Variants in SCN8A observed in about 807,000 individuals in gnomAD.
The protein encoded by SCN8A is sodium channel protein type 8 subunit alpha.
A neutral mutation model predicts 184.1 loss-of-function variants in SCN8A; 30 were observed. The observed-to-expected ratio is 0.16, with a 90% CI of 0.12 to 0.22. SCN8A has a LOEUF of 0.22. SCN8A is among the 10% of genes least tolerant of loss of function. The pLI is 1.00. For synonymous variants in SCN8A, 852 were observed against 907.0 expected, an observed-to-expected ratio of 0.94 and a Z score of 1.09; for missense variants, 1,057 against 2,498.9, an observed-to-expected ratio of 0.42 and a Z score of 12.30.
intron 3 of SCN8A, among the ~76,000 whole-genome samples, chr12:51,685,705 C>T (rs1488789751): frequency 6.6e-6 from 1 of 152,142 alleles, no homozygotes; most frequent in Non-Finnish European, 1.5e-5. Flanking sequence ...GCTGTATTGG[C>T]TGATGCCTTG....
chr12:51,663,995 C>T (rs867575337), intron 2 of SCN8A, among the ~76,000 whole-genome samples: 4 of 135,952 alleles, frequency 2.9e-5, no homozygotes, highest in African/African-American at 5.2e-5. Context: ...CTGCAACCTC[C>T]GCCTCCTGGT....
At chr12:51,661,983 C>G (rs1940933860) in intron 1 of SCN8A, among the ~76,000 whole-genome samples, 2 of 152,180 alleles carry the variant, frequency 1.3e-5, no homozygotes, top group East Asian at 3.8e-4. Context: ...TGGTTTGAGC[C>G]CCTCTCAGGA....
At chr12:51,733,192 G>A (rs964974861) in intron 12 of SCN8A, among the ~76,000 whole-genome samples, 3 of 152,142 alleles carry the variant, frequency 2.0e-5, no homozygotes, top group African/African-American at 7.2e-5. Context: ...CTGAGAGTCT[G>A]TCATATATGG....
chr12:51,681,262 A>G (rs1284060765), intron 2 of SCN8A, among the ~76,000 whole-genome samples: 1 of 152,176 alleles, frequency 6.6e-6, no homozygotes, highest in Non-Finnish European at 1.5e-5. Flanking sequence ...AATCTGGCAC[A>G]GTGGAAGCTG....
intron 1 of SCN8A, among the ~76,000 whole-genome samples, chr12:51,618,392 C>T (rs758223557): frequency 4.6e-5 from 7 of 151,220 alleles, no homozygotes; most frequent in Non-Finnish European, 8.8e-5. Context: ...CTTTTTCTGT[C>T]TGTGCTTGGG....
At chr12:51,724,484 A>G (rs1007452069) in intron 12 of SCN8A, among the ~76,000 whole-genome samples, 2 of 152,198 alleles carry the variant, frequency 1.3e-5, no homozygotes, top group African/African-American at 4.8e-5. Flanking sequence ...AAACAAAAAC[A>G]GTGGCTCCAG....
chr12:51,773,350 C>T (rs1456107839), intron 19 of SCN8A, among the ~76,000 whole-genome samples: 5 of 152,224 alleles, frequency 3.3e-5, no homozygotes, highest in African/African-American at 7.2e-5. Flanking sequence ...GGAATGCTCA[C>T]ACCACCATAT....
At chr12:51,713,792 A>T (rs1941921155) in intron 11 of SCN8A, among the ~76,000 whole-genome samples, 1 of 152,066 alleles carries the variant, frequency 6.6e-6, no homozygotes, top group Admixed American at 6.5e-5. Context: ...TTCTTAAAAA[A>T]TTTTGAGGAC....
chr12:51,782,226 C>G (rs1937945278), intron 21 of SCN8A, among the ~76,000 whole-genome samples: 1 of 152,120 alleles, frequency 6.6e-6, no homozygotes, highest in African/African-American at 2.4e-5. Context: ...AAGACTTTGT[C>G]CCACAGATAA....
chr12:51,757,899 G>A (rs1307034471), intron 14 of SCN8A, among the ~76,000 whole-genome samples: 8 of 152,128 alleles, frequency 5.3e-5, no homozygotes, highest in African/African-American at 1.9e-4. Flanking sequence ...AGGAGATCAG[G>A]ACTCCTTTAT....
intron 16 of SCN8A, among the ~76,000 whole-genome samples, chr12:51,767,528 T>C (rs1942857223): frequency 6.6e-6 from 1 of 152,228 alleles, no homozygotes; most frequent in Non-Finnish European, 1.5e-5. Flanking sequence ...GTATCTAAGA[T>C]CTGCCCCTTC....
chr12:51,639,710 C>T (rs1325645248), intron 1 of SCN8A, among the ~76,000 whole-genome samples: 2 of 151,846 alleles, frequency 1.3e-5, no homozygotes, highest in African/African-American at 4.8e-5. Flanking sequence ...AAGAAATTGC[C>T]ACAGCCATCC....
intron 13 of SCN8A, 73 bp from the exon 14 acceptor site, chr12:51,751,282 T>G: frequency 1.1e-6 from 1 of 946,376 alleles, no homozygotes; most frequent in Non-Finnish European, 1.7e-6. Flanking sequence ...TGATAATGAC[T>G]GAGAGTGAGT....
At position 51,637,246 on chromosome 12, in the gene SCN8A, CACA is replaced by C. The variant is rs1317447680; in HGVS notation, c.-54-25513_-54-25511del. On this transcript the variant is annotated intron_variant, in intron 1 of 26. Coordinates refer to ENST00000627620, the MANE Select transcript of SCN8A (RefSeq NM_001330260.2). Reference sequence around the variant, plus strand: ...CCTCAGGCCTCTCTTTTCCCTGAGACACAACAATATTGAAATTAGGCCAACTAA... The same window carrying C: ...CCTCAGGCCTCTCTTTTCCCTGAGACACAATATTGAAATTAGGCCAACTAA... Among the ~76,000 whole-genome samples, 3 of 152,156 alleles carry C rather than the reference CACA, an allele frequency of 2.0e-5. No homozygotes were observed. In the East Asian group the frequency reaches 5.8e-4, roughly 29 times the overall value.
intron 20 of SCN8A, among the ~76,000 whole-genome samples, chr12:51,779,219 CAA>C (rs35152992): frequency 1.4e-4 from 18 of 125,156 alleles, no homozygotes; most frequent in African/African-American, 2.9e-4. Flanking sequence ...GACTTTGTCT[CAA>C]AAAAAAAAAA....
chr12:51,662,656 G>GT (rs1292378352), intron 1 of SCN8A, 108 bp from the exon 2 acceptor site: 158 of 687,384 alleles, frequency 2.3e-4, no homozygotes, highest in South Asian at 4.0e-4. Context: ...GAAACTATGT[G>GT]TTTTTTTTGC....
intron 9 of SCN8A, 57 bp from the exon 10 acceptor site, chr12:51,705,359 GT>G (rs747598635): frequency 3.8e-5 from 60 of 1,561,796 alleles, no homozygotes; most frequent in Admixed American, 8.5e-5. Flanking sequence ...CCCATTAGCT[GT>G]TTTCAGCCCG....
chr12:51,604,809 A>G (rs1182448778), intron 1 of SCN8A, among the ~76,000 whole-genome samples: 1 of 151,436 alleles, frequency 6.6e-6, no homozygotes, highest in Non-Finnish European at 1.5e-5. Flanking sequence ...CTGGGATTAC[A>G]GGCATGAGCC....
chr12:51,774,058 G>T, intron 19 of SCN8A, 131 bp from the exon 20 acceptor site: 1 of 603,090 alleles, frequency 1.7e-6, no homozygotes, highest in African/African-American at 1.8e-5. Context: ...TGTAGTCGGG[G>T]AGTAAAGCGA....
Sources: gnomAD v4.1 joint callset for allele counts (sites outside exome capture counted in the v4.1 genomes callset) on GRCh38, gnomAD v4.1.1 for gene constraint, MANE v1.5 for transcripts, NCBI Gene and HGNC (gene_info 2026-07-23, HGNC 2026-07-21) for gene names.